The following IL23R variants were observed in gnomAD, a reference collection of about 807,000 sequenced individuals.
IL23R encodes the protein interleukin-23 receptor.
IL23R carries 34 observed loss-of-function variants against 56.9 expected under a neutral mutation model. That is an observed-to-expected ratio of 0.60 (90% CI 0.45 to 0.80). IL23R has a LOEUF of 0.80. IL23R is among the 30% of genes least tolerant of loss of function. The probability of loss-of-function intolerance (pLI) is 0.00; values close to 1 mark genes in which losing one functional copy is unlikely to be tolerated. For missense variants in IL23R, 635 were observed against 730.0 expected (o/e 0.87, Z 1.50); for synonymous variants, 230 against 249.2 (o/e 0.92, Z 0.73).
intron 1 of IL23R, among the ~76,000 whole-genome samples, chr1:67,149,533 T>G (rs1056708060): frequency 6.6e-6 from 1 of 152,156 alleles, no homozygotes; most frequent in African/African-American, 2.4e-5. Context: ...CACGTTTGTA[T>G]TTCCCGAAGT....
intron 1 of IL23R, among the ~76,000 whole-genome samples, chr1:67,145,529 TG>T (rs1169124220): frequency 6.6e-6 from 1 of 152,206 alleles, no homozygotes; most frequent in East Asian, 1.9e-4. Context: ...CTCATACCAT[TG>T]CATTGTTGCT....
intron 1 of IL23R, among the ~76,000 whole-genome samples, chr1:67,157,369 A>T (rs530312797): frequency 1.2e-4 from 18 of 152,176 alleles, no homozygotes; most frequent in Admixed American, 3.3e-4. Context: ...TGGCCACTTT[A>T]CCCAACCTTT....
At chr1:67,241,828 C>T in intron 9 of IL23R, among the ~76,000 whole-genome samples, 1 of 152,118 alleles carries the variant, frequency 6.6e-6, no homozygotes, top group East Asian at 1.9e-4. Context: ...CCAAACCAAA[C>T]CATCTAAAAA....
At chr1:67,222,539 T>A (rs767460902) in intron 7 of IL23R, among the ~76,000 whole-genome samples, 15 of 152,346 alleles carry the variant, frequency 9.8e-5, no homozygotes, top group Non-Finnish European at 1.9e-4. Context: ...TAGTCAGAAT[T>A]TAGTTGATAA....
chr1:67,208,352 GA>G (rs748326733), intron 6 of IL23R, among the ~76,000 whole-genome samples: 2 of 152,182 alleles, frequency 1.3e-5, no homozygotes, highest in African/African-American at 2.4e-5. Context: ...AGACCATGGG[GA>G]AAATGTCTCC....
At chr1:67,236,600 A>T in intron 7 of IL23R, 113 bp from the exon 8 acceptor site, 1 of 730,012 alleles carries the variant, frequency 1.4e-6, no homozygotes, top group Non-Finnish European at 2.5e-6. Flanking sequence ...CAAGCCCATT[A>T]AAGTTATTGG....
intron 1 of IL23R, among the ~76,000 whole-genome samples, chr1:67,156,982 C>T (rs958055277): frequency 2.0e-5 from 3 of 152,112 alleles, no homozygotes; most frequent in Non-Finnish European, 4.4e-5. Context: ...GCAAAAAATC[C>T]GTGGGAAAAG....
chr1:67,214,589 G>A (rs984813668), intron 6 of IL23R, among the ~76,000 whole-genome samples: 24 of 152,234 alleles, frequency 1.6e-4, no homozygotes, highest in Non-Finnish European at 2.1e-4. Context: ...GAGAATGAGA[G>A]TTTCAACCAG....
intron 3 of IL23R, among the ~76,000 whole-genome samples, chr1:67,174,255 A>G (rs1646981048): frequency 1.3e-5 from 2 of 151,298 alleles, no homozygotes; most frequent in Non-Finnish European, 1.5e-5. Context: ...AGGCTGTACC[A>G]ATTTGTACTT....
chr1:67,174,551 C>T (rs1413985040), intron 3 of IL23R, among the ~76,000 whole-genome samples: 1 of 151,916 alleles, frequency 6.6e-6, no homozygotes, highest in Non-Finnish European at 1.5e-5. Flanking sequence ...CCCTATCCTT[C>T]CATTTGTCTT....
At chr1:67,215,361 T>C (rs1381558621) in intron 6 of IL23R, among the ~76,000 whole-genome samples, 1 of 152,228 alleles carries the variant, frequency 6.6e-6, no homozygotes, top group East Asian at 1.9e-4. Context: ...CTCAGCTGGC[T>C]CACTCCTATG....
intron 6 of IL23R, among the ~76,000 whole-genome samples, chr1:67,215,720 G>C (rs1263943840): frequency 6.6e-6 from 1 of 152,178 alleles, no homozygotes; most frequent in Non-Finnish European, 1.5e-5. Flanking sequence ...GAAGATGGTA[G>C]CATCTTTCCA....
At chr1:67,175,836 C>T (rs1558226871) in intron 3 of IL23R, among the ~76,000 whole-genome samples, 2 of 152,116 alleles carry the variant, frequency 1.3e-5, no homozygotes, top group African/African-American at 2.4e-5. Flanking sequence ...TTTCTTGTCT[C>T]GTTTTTGAGA....
chr1:67,246,920 T>C (rs1379441320), intron 9 of IL23R, among the ~76,000 whole-genome samples: 1 of 152,160 alleles, frequency 6.6e-6, no homozygotes, highest in African/African-American at 2.4e-5. Context: ...GGTGTTAAAG[T>C]CTCCCACTAT....
At chr1:67,147,006 C>T (rs1429967070) in intron 1 of IL23R, among the ~76,000 whole-genome samples, 1 of 152,110 alleles carries the variant, frequency 6.6e-6, no homozygotes, top group Non-Finnish European at 1.5e-5. Flanking sequence ...AGGAATTGTT[C>T]TAACGGGTGA....
At chr1:67,207,601 C>G (rs1010628211) in intron 6 of IL23R, 5 of 382,228 alleles carry the variant, frequency 1.3e-5, no homozygotes, top group Non-Finnish European at 2.5e-5. Flanking sequence ...CAGAGGTTTC[C>G]GCTTTTGCTT....
intron 7 of IL23R, among the ~76,000 whole-genome samples, chr1:67,235,551 A>G (rs879463054): frequency 3.3e-5 from 5 of 151,608 alleles, no homozygotes; most frequent in Non-Finnish European, 7.4e-5. Flanking sequence ...GCACCACCAT[A>G]CCTGGCTAAT....
At chr1:67,161,967 A>G (rs1300425922), upstream of IL23R, among the ~76,000 whole-genome samples, 2 of 152,212 alleles carry the variant, frequency 1.3e-5, no homozygotes, top group Admixed American at 1.3e-4. Context: ...CTTTCTTTTA[A>G]ATATAATAGA....
At chr1:67,168,561 G>A (rs898507765) in intron 2 of IL23R, among the ~76,000 whole-genome samples, 3 of 152,116 alleles carry the variant, frequency 2.0e-5, no homozygotes, top group South Asian at 4.2e-4. Flanking sequence ...ACTTTGTGCC[G>A]GGCACATAGT....
Sources: gnomAD v4.1 joint callset for allele counts (sites outside exome capture counted in the v4.1 genomes callset) on GRCh38, gnomAD v4.1.1 for gene constraint, MANE v1.5 for transcripts, NCBI Gene and HGNC (gene_info 2026-07-23, HGNC 2026-07-21) for gene names.